The following DMTF1 variants were observed in gnomAD, a reference collection of about 807,000 sequenced individuals.
DMTF1 encodes the protein cyclin-D-binding Myb-like transcription factor 1.
In DMTF1, 39 loss-of-function variants were observed where a neutral mutation model predicts 91.1. The observed-to-expected ratio is 0.43, with a 90% confidence interval of 0.33 to 0.56. DMTF1 has a LOEUF of 0.56. Ranked by LOEUF, DMTF1 falls within the 20% of genes least tolerant of loss-of-function variation. The pLI is 0.05. For synonymous variants in DMTF1, 338 were observed against 309.5 expected (o/e 1.09, Z -0.97); for missense variants, 750 against 914.5 (o/e 0.82, Z 2.32).
chr7:87,164,096 T>TAATTATA (rs1017028986), intron 2 of DMTF1, among the ~76,000 whole-genome samples: 1 of 144,606 alleles, frequency 6.9e-6, no homozygotes, highest in African/African-American at 2.6e-5. Context: ...AAACATTGAG[T>TAATTATA]AATTATATCA....
chr7:87,189,599 A>T (rs1270910309), intron 13 of DMTF1, among the ~76,000 whole-genome samples: 2 of 152,144 alleles, frequency 1.3e-5, no homozygotes, highest in Non-Finnish European at 2.9e-5. Context: ...AGCAAGAAAA[A>T]TGAATATAGT....
chr7:87,193,386 C>A, intron 15 of DMTF1, 33 bp downstream of exon 15: 1 of 1,608,206 alleles, frequency 6.2e-7, no homozygotes, highest in Non-Finnish European at 8.5e-7. Context: ...TTTTTGAGTA[C>A]CTGTTATAGA....
At chr7:87,161,854 G>T (rs1257419746) in intron 1 of DMTF1, among the ~76,000 whole-genome samples, 1 of 152,178 alleles carries the variant, frequency 6.6e-6, no homozygotes, top group Non-Finnish European at 1.5e-5. Flanking sequence ...AGTACAGTTT[G>T]CATCTCAATG....
intron 7 of DMTF1, 94 bp from the exon 8 acceptor site, chr7:87,179,451 A>G (rs1400125940): frequency 3.8e-6 from 4 of 1,060,078 alleles, no homozygotes; most frequent in Non-Finnish European, 4.9e-6. Flanking sequence ...AATGCCGTTG[A>G]TGACCTTTAA....
At chr7:87,183,451 G>A (rs919123423) in intron 10 of DMTF1, among the ~76,000 whole-genome samples, 8 of 152,188 alleles carry the variant, frequency 5.3e-5, no homozygotes, top group Non-Finnish European at 1.0e-4. Flanking sequence ...GTGACATACA[G>A]CTGCTGATGA....
intron 1 of DMTF1, chr7:87,154,136 A>G (rs749920464): frequency 6.6e-6 from 1 of 152,244 alleles, no homozygotes; most frequent in Non-Finnish European, 1.5e-5. Flanking sequence ...ATTTAGAGAA[A>G]AAAGGTTAAA....
At chr7:87,153,236 C>A (rs569165153) in intron 1 of DMTF1, among the ~76,000 whole-genome samples, 7 of 152,100 alleles carry the variant, frequency 4.6e-5, no homozygotes, top group Admixed American at 1.3e-4. Flanking sequence ...GTCTGACTCT[C>A]TTTAAAGAAG....
intron 6 of DMTF1, 76 bp from the exon 7 acceptor site, chr7:87,174,517 C>A: frequency 2.0e-6 from 2 of 989,574 alleles, no homozygotes; most frequent in Non-Finnish European, 3.1e-6. Flanking sequence ...ATAATTTAAT[C>A]ACAAAGGAAA....
intron 4 of DMTF1, among the ~76,000 whole-genome samples, chr7:87,168,034 G>C (rs1224865719): frequency 2.0e-5 from 3 of 152,168 alleles, no homozygotes; most frequent in Non-Finnish European, 4.4e-5. Context: ...CTTAGCTTCA[G>C]ATAATAGAGG....
In DMTF1 at chr7:87,193,286, G is replaced by C; in HGVS notation, c.1583G>C (p.Ser528Thr). ...SQGLPLTLTA[S>T]PTVTLTAAAP... ...GGCCTTCCCCTAACTCTGACTGCTA[G>C]TCCCACAGTAACCCTGACAGCTGCT... The change falls in exon 15 of 18, where the codon AGT (serine) becomes ACT (threonine). Residue 528 changes from serine to threonine, a missense_variant. Ser to Thr is a moderately conservative substitution (Grantham distance 58). Around this residue, in one of 3 missense-constraint regions of DMTF1, gnomAD observed 410 missense variants for 420.2 expected, o/e 0.98. Coordinates refer to ENST00000331242, the MANE Select transcript of DMTF1 (RefSeq NM_001142327.2). 6.2e-7 allele frequency: 1 copy of C among 1,613,406 alleles called. No homozygotes were observed. The highest frequency in any genetic ancestry group is 8.5e-7 in the Non-Finnish European group (1 of 1,179,600).
At chr7:87,155,786 C>G (rs1313436238) in intron 1 of DMTF1, among the ~76,000 whole-genome samples, 1 of 129,730 alleles carries the variant, frequency 7.7e-6, no homozygotes, top group Non-Finnish European at 1.6e-5. Flanking sequence ...CATTCCATGA[C>G]TGAGTACTAG....
intron 2 of DMTF1, among the ~76,000 whole-genome samples, chr7:87,164,633 T>A (rs1183006828): frequency 6.6e-6 from 1 of 152,254 alleles, no homozygotes; most frequent in Non-Finnish European, 1.5e-5. Context: ...AAAGTTTTGC[T>A]GATAAGACGG....
chr7:87,193,066 C>T, intron 14 of DMTF1, 132 bp from the exon 15 acceptor site: 1 of 849,688 alleles, frequency 1.2e-6, no homozygotes, highest in Non-Finnish European at 1.8e-6. Context: ...ACGATTATGC[C>T]CTACATTGTA....
intron 1 of DMTF1, among the ~76,000 whole-genome samples, chr7:87,158,663 T>G (rs765733239): frequency 7.2e-5 from 11 of 152,114 alleles, no homozygotes; most frequent in Non-Finnish European, 1.2e-4. Flanking sequence ...ATCTAGTGAT[T>G]TATCAAGTAA....
At chr7:87,154,333 A>T (rs1303329458) in intron 1 of DMTF1, 1 of 152,518 alleles carries the variant, frequency 6.6e-6, no homozygotes, top group Non-Finnish European at 1.5e-5. Flanking sequence ...TTAACTCTCG[A>T]TACTAGGTGC....
intron 1 of DMTF1, chr7:87,162,930 G>A (rs2129061979): frequency 6.6e-6 from 1 of 151,766 alleles, no homozygotes; most frequent in Admixed American, 6.5e-5. Context: ...GCTTTCAAGA[G>A]CTTGTAATTT....
chr7:87,184,279 T>A, intron 10 of DMTF1, 118 bp from the exon 11 acceptor site: 1 of 923,406 alleles, frequency 1.1e-6, no homozygotes, highest in Non-Finnish European at 1.6e-6. Flanking sequence ...CAGAGGGTCA[T>A]TCAGAAACAA....
intron 4 of DMTF1, 22 bp from the exon 5 acceptor site, chr7:87,170,973 T>G: frequency 6.7e-7 from 1 of 1,496,774 alleles, no homozygotes; most frequent in Non-Finnish European, 9.3e-7. Context: ...ATTCTGGAGA[T>G]GAACGGTTCC....
chr7:87,177,234 G>C (rs1305949738), intron 7 of DMTF1, among the ~76,000 whole-genome samples: 1 of 152,000 alleles, frequency 6.6e-6, no homozygotes, highest in Admixed American at 6.6e-5. Context: ...CATTTATTTA[G>C]GTGTATTTCA....
Sources: gnomAD v4.1 joint callset for allele counts (sites outside exome capture counted in the v4.1 genomes callset) on GRCh38, gnomAD v4.1.1 for gene constraint, gnomAD v4.1.1 regional missense constraint, MANE v1.5 for transcripts, NCBI Gene and HGNC (gene_info 2026-07-23, HGNC 2026-07-21) for gene names.